ITPR1: variants seen among roughly 807,000 people sequenced by gnomAD.
ITPR1 encodes inositol 1,4,5-trisphosphate-gated calcium channel ITPR1.
ITPR1 carries 96 observed loss-of-function variants against 318.4 expected under a neutral mutation model. The observed-to-expected ratio is 0.30, with a 90% CI of 0.26 to 0.36. The LOEUF (loss-of-function observed/expected upper bound fraction) is 0.36. Ranked by LOEUF, ITPR1 falls within the 10% of genes least tolerant of loss-of-function variation. The pLI is 1.00. For synonymous variants in ITPR1, 1,312 were observed against 1,289.9 expected (o/e 1.02, Z -0.37); for missense variants, 2,440 against 3,460.2 (o/e 0.71, Z 7.40).
chr3:4,664,996 A>G lies in ITPR1; in HGVS notation c.1555-142A>G, dbSNP rs2093915971. On this transcript the variant is annotated intron_variant, in intron 16 of 61. Coordinates refer to ENST00000649015, the MANE Select transcript of ITPR1 (RefSeq NM_001378452.1). ...CCATCTCAGTTGATGGGCTGAATGC[A>G]GTGTTCAGGTTATGGATGTGTTGGG... 3.3e-5 allele frequency: 26 copies of G among 785,130 alleles called. 1 individual carries two copies. The South Asian group carries it at 4.2e-4, about 13-fold the overall frequency. 48.6% of individuals were successfully genotyped at this position (785,130 alleles called of 1,614,324 possible).
At chr3:4,721,898 A>G (rs2042190422) in intron 40 of ITPR1, among the ~76,000 whole-genome samples, 1 of 152,204 alleles carries the variant, frequency 6.6e-6, no homozygotes, top group Non-Finnish European at 1.5e-5. Context: ...AGAAATAGTC[A>G]CCTTAGGAAG....
At chr3:4,532,275 G>A (rs536239977) in intron 4 of ITPR1, among the ~76,000 whole-genome samples, 47 of 152,282 alleles carry the variant, frequency 3.1e-4, no homozygotes, top group African/African-American at 9.4e-4. Context: ...ATCTGACTGC[G>A]TATAGGAACC....
intron 41 of ITPR1, among the ~76,000 whole-genome samples, chr3:4,726,123 G>A (rs920222568): frequency 2.0e-5 from 3 of 152,140 alleles, no homozygotes; most frequent in Non-Finnish European, 4.4e-5. Flanking sequence ...TCTGCCTCCT[G>A]GGTTCAAGTG....
intron 53 of ITPR1, among the ~76,000 whole-genome samples, chr3:4,798,896 C>CT (rs1178634314): frequency 5.3e-5 from 8 of 152,188 alleles, no homozygotes; most frequent in African/African-American, 1.9e-4. Flanking sequence ...GCTATAGGGA[C>CT]TGACACTATT....
At position 4,814,569 on chromosome 3, in the gene ITPR1, T is replaced by C; in HGVS notation, c.7701+7T>C. ...CAGGAAGCCGTCCAAAGAGGTAAAT[T>C]AATCCCGAGGGGAAGGAAGGGCAAA... On this transcript the variant is annotated splice_region_variant and intron_variant, in intron 58 of 61. Transcript: ENST00000649015. The C allele has an allele frequency of 7.6e-7, 1 of 1,307,254 alleles. No individual in the cohort carries two copies. The highest frequency in any genetic ancestry group is 1.2e-5 in the South Asian group (1 of 84,344). The allele number at this position is 1,307,254 out of a possible 1,614,324, so 81.0% of individuals were successfully genotyped here.
Position 4,825,855 on chromosome 3 carries a change from A to C in ITPR1, c.8028+7613A>C, listed in dbSNP as rs756784637. ...ACCAAGTGCAGGGGCTGGTGGGAGG[A>C]GAGTTTCCTGCAGATCATGATTAGA... On this transcript the variant is annotated intron_variant, in intron 60 of 61. Transcript: ENST00000649015. 2.6e-5 allele frequency: 12 copies of C among 455,314 alleles called. 1 individual carries two copies. Among genetic ancestry groups the C allele is most frequent in the South Asian group, 1.9e-4 (12 of 64,394 alleles). 28.2% of individuals were successfully genotyped at this position (455,314 alleles called of 1,614,324 possible).
At position 4,669,678 on chromosome 3, in the gene ITPR1, CTG is replaced by C; in HGVS notation, c.1915_1916del (p.Val639LeufsTer15). The C allele has an allele frequency of 6.2e-7, 1 of 1,613,010 alleles. No individual in the cohort carries two copies. The highest frequency in any genetic ancestry group is 8.5e-7 in the Non-Finnish European group (1 of 1,179,282). On this transcript the variant is annotated frameshift_variant, in exon 19 of 62. Transcript: ENST00000649015. LOFTEE classifies it high-confidence loss of function. ...PRFLDYLSDLCVSMNKSIPVT... is the reference protein window; with the variant it reads ...PRFLDYLSDLXVSMNKSIPVT... ...GATTCTTAGATTACCTCTCCGACCT[CTG>C]TGTCTCCATGAACAAATCAATTCCA...
intron 55 of ITPR1, 100 bp from the exon 56 acceptor site, chr3:4,811,165 C>G: frequency 1.3e-6 from 1 of 742,972 alleles, no homozygotes; most frequent in Non-Finnish European, 2.1e-6. Context: ...TTTTGAGTGT[C>G]TAAGAGGGCA....
At chr3:4,706,957 T>A (rs914290451) in intron 37 of ITPR1, among the ~76,000 whole-genome samples, 1 of 152,230 alleles carries the variant, frequency 6.6e-6, no homozygotes, top group South Asian at 2.1e-4. Flanking sequence ...AGGTAGTACA[T>A]AGGTCACAGT....
At chr3:4,745,688 A>G (rs1162603430) in intron 44 of ITPR1, among the ~76,000 whole-genome samples, 1 of 152,092 alleles carries the variant, frequency 6.6e-6, no homozygotes, top group Non-Finnish European at 1.5e-5. Context: ...ATTTATGCCA[A>G]CACCTCCCAA....
rs534260223 is a variant in ITPR1 at position 4,622,356 on chromosome 3, G to T, written c.164-5407G>T. On this transcript the variant is annotated intron_variant, in intron 4 of 61. Coordinates refer to ENST00000649015, the MANE Select transcript of ITPR1 (RefSeq NM_001378452.1). ...TCTCGATCTCTTGACCTCGTGATCC[G>T]CCTGCCTTGGCCTCCCAAAGTGCTG... Among the ~76,000 whole-genome samples, 467 of 150,550 alleles carry T rather than the reference G, an allele frequency of 3.1e-3. 5 individuals carry two copies. Among genetic ancestry groups the T allele is most frequent in the African/African-American group, 0.011 (446 of 40,966 alleles).
At chr3:4,608,347 G>T (rs962143996) in intron 4 of ITPR1, among the ~76,000 whole-genome samples, 2 of 152,096 alleles carry the variant, frequency 1.3e-5, no homozygotes, top group Non-Finnish European at 2.9e-5. Flanking sequence ...TAGAATTCCA[G>T]CCATCAAGTA....
intron 19 of ITPR1, 48 bp from the exon 20 acceptor site, chr3:4,670,681 A>G (rs1160246042): frequency 2.3e-6 from 3 of 1,322,484 alleles, no homozygotes; most frequent in East Asian, 2.5e-5. Context: ...CTAGATCTCA[A>G]AGTATTTTTA....
intron 44 of ITPR1, among the ~76,000 whole-genome samples, chr3:4,746,429 A>T (rs566211682): frequency 1.3e-5 from 2 of 152,172 alleles, no homozygotes; most frequent in Non-Finnish European, 2.9e-5. Context: ...CAGCGGGGCC[A>T]TGAACTCAGA....
intron 4 of ITPR1, among the ~76,000 whole-genome samples, chr3:4,530,821 C>T (rs6784152): frequency 0.32 from 48,585 of 151,796 alleles, 8,946 homozygotes; most frequent in African/African-American, 0.51. Context: ...GTAGTTGACT[C>T]GTCTTCTCCC....
At chr3:4,598,267 G>A (rs1402249911) in intron 4 of ITPR1, among the ~76,000 whole-genome samples, 1 of 152,230 alleles carries the variant, frequency 6.6e-6, no homozygotes, top group Non-Finnish European at 1.5e-5. Context: ...TGATACTTGA[G>A]TGTAGCAAGG....
intron 30 of ITPR1, among the ~76,000 whole-genome samples, chr3:4,687,992 A>C (rs2094423224): frequency 6.6e-6 from 1 of 152,198 alleles, no homozygotes; most frequent in South Asian, 2.1e-4. Context: ...ATGACTACTC[A>C]GCGTCAGTGA....
intron 20 of ITPR1, among the ~76,000 whole-genome samples, chr3:4,671,236 A>C (rs1025974546): frequency 1.3e-5 from 2 of 152,240 alleles, no homozygotes; most frequent in Non-Finnish European, 1.5e-5. Flanking sequence ...TCACATCCCT[A>C]CCTCTCCGCT....
intron 31 of ITPR1, among the ~76,000 whole-genome samples, chr3:4,689,895 C>T (rs2094454073): frequency 1.3e-5 from 2 of 152,202 alleles, no homozygotes; most frequent in South Asian, 4.1e-4. Flanking sequence ...GAGTAAAAGA[C>T]ATTTGCGATG....
Sources: gnomAD v4.1 joint callset for allele counts (sites outside exome capture counted in the v4.1 genomes callset) on GRCh38, gnomAD v4.1.1 for gene constraint, MANE v1.5 for transcripts, NCBI Gene and HGNC (gene_info 2026-07-23, HGNC 2026-07-21) for gene names.